The following C8orf34 variants were observed in gnomAD, a reference collection of about 807,000 sequenced individuals.
The protein encoded by C8orf34 is chromosome 8 open reading frame 34, also known as uncharacterized protein C8orf34.
C8orf34 carries 65 observed loss-of-function variants against 68.3 expected under a neutral mutation model. The ratio of observed to expected loss-of-function variants is 0.95; its 90% CI spans 0.78 to 1.17. The LOEUF (loss-of-function observed/expected upper bound fraction) is 1.17. Among genes scored for constraint, C8orf34 ranks in the 50% most tolerant of loss-of-function variants. The pLI is 0.00. For synonymous variants in C8orf34, 244 were observed against 241.2 expected, an observed-to-expected ratio of 1.01 and a Z score of -0.11; for missense variants, 664 against 655.4, an observed-to-expected ratio of 1.01 and a Z score of -0.14.
chr8:68,501,245 ATG>A (rs1813758809), intron 5 of C8orf34, among the ~76,000 whole-genome samples: 2 of 152,178 alleles, frequency 1.3e-5, no homozygotes, highest in Admixed American at 1.3e-4. Context: ...ATGACCTTGG[ATG>A]TGGACACAGC....
At chr8:68,553,410 A>AC (rs1270559410) in intron 7 of C8orf34, among the ~76,000 whole-genome samples, 2 of 150,722 alleles carry the variant, frequency 1.3e-5, no homozygotes, top group Non-Finnish European at 3.0e-5. Context: ...AAAAAAAAAA[A>AC]CATATCCTCC....
intron 1 of C8orf34, among the ~76,000 whole-genome samples, chr8:68,374,218 A>G (rs1047938459): frequency 2.6e-5 from 4 of 152,020 alleles, no homozygotes; most frequent in African/African-American, 7.3e-5. Context: ...CCTGGCCTAT[A>G]ATTCTTTCTT....
intron 7 of C8orf34, among the ~76,000 whole-genome samples, chr8:68,637,269 T>A (rs1818874087): frequency 6.6e-6 from 1 of 152,132 alleles, no homozygotes; most frequent in Non-Finnish European, 1.5e-5. Flanking sequence ...TCTGTTTGCA[T>A]GGTTCCTATT....
chr8:68,747,173 A>G (rs1822529040), intron 10 of C8orf34, among the ~76,000 whole-genome samples: 2 of 152,146 alleles, frequency 1.3e-5, no homozygotes, highest in Admixed American at 6.6e-5. Context: ...GGCCTTTGAC[A>G]AAATTCAACA....
intron 7 of C8orf34, among the ~76,000 whole-genome samples, chr8:68,583,931 A>G (rs1002885960): frequency 6.6e-6 from 1 of 152,218 alleles, no homozygotes; most frequent in East Asian, 1.9e-4. Flanking sequence ...ATGGTTATGA[A>G]TCTTAAAGCA....
At chr8:68,494,985 C>T (rs1813467360) in intron 5 of C8orf34, among the ~76,000 whole-genome samples, 1 of 151,334 alleles carries the variant, frequency 6.6e-6, no homozygotes, top group Non-Finnish European at 1.5e-5. Context: ...TCAGTACATT[C>T]ACAGGAGCTC....
chr8:68,785,692 T>C (rs1467253184), intron 11 of C8orf34, among the ~76,000 whole-genome samples: 1 of 152,254 alleles, frequency 6.6e-6, no homozygotes, highest in African/African-American at 2.4e-5. Flanking sequence ...CTAATTGATT[T>C]TTTTTCATTT....
At chr8:68,383,530 T>C (rs1351184207) in intron 1 of C8orf34, among the ~76,000 whole-genome samples, 1 of 152,230 alleles carries the variant, frequency 6.6e-6, no homozygotes, top group Admixed American at 6.5e-5. Flanking sequence ...TGGGAGAAAG[T>C]ATACTCGGGT....
intron 4 of C8orf34, among the ~76,000 whole-genome samples, chr8:68,481,112 T>C (rs751854795): frequency 4.0e-5 from 6 of 151,652 alleles, no homozygotes; most frequent in Non-Finnish European, 8.9e-5. Context: ...GGTTCCCATA[T>C]TGTGTGCACG....
chr8:68,352,690 G>A (rs141482821), intron 1 of C8orf34, among the ~76,000 whole-genome samples: 78 of 152,116 alleles, frequency 5.1e-4, no homozygotes, highest in African/African-American at 1.9e-3. Flanking sequence ...AGCCTTTTGG[G>A]TTCGAAATGT....
At chr8:68,476,799 G>A (rs796225580) in intron 4 of C8orf34, among the ~76,000 whole-genome samples, 3 of 152,300 alleles carry the variant, frequency 2.0e-5, no homozygotes, top group African/African-American at 7.2e-5. Context: ...ATATCACTAT[G>A]TCAAAAGGTG....
At position 68,412,176 on chromosome 8, in the gene C8orf34, T is replaced by C. The variant is rs528116968; in HGVS notation, c.328-27323T>C. ...TATAAATTAGGTAGTCTGTTATTTT[T>C]TATAGTAGCCGGAACAGACTAAGAC... On this transcript the variant is annotated intron_variant, in intron 1 of 13. Coordinates refer to ENST00000518698, the MANE Select transcript of C8orf34 (RefSeq NM_052958.4). 3.9e-5 allele frequency among the ~76,000 whole-genome samples: 6 copies of C among 152,296 alleles called. No homozygotes were observed. The East Asian group carries it at 9.7e-4, about 25-fold the overall frequency.
intron 1 of C8orf34, among the ~76,000 whole-genome samples, chr8:68,374,635 G>A (rs1807711952): frequency 6.6e-6 from 1 of 152,138 alleles, no homozygotes; most frequent in South Asian, 2.1e-4. Context: ...CAGTGCTACA[G>A]AGTCTCTAAG....
In C8orf34 at chr8:68,692,014, T is replaced by C. The variant is rs149064457; in HGVS notation, c.1242-16980T>C. On this transcript the variant is annotated intron_variant, in intron 8 of 13. Transcript: ENST00000518698. Reference sequence around the variant, plus strand: ...TTCAGAGAACAACTGATGTGACAAATATTAAATATTTGAGAGGAGGGTTAT... The same window carrying C: ...TTCAGAGAACAACTGATGTGACAAACATTAAATATTTGAGAGGAGGGTTAT... Among the ~76,000 whole-genome samples the C allele has an allele frequency of 4.9e-3, 739 of 152,102 alleles. 2 individuals carry two copies. Among genetic ancestry groups the C allele is most frequent in the Non-Finnish European group, 7.7e-3 (522 of 67,954 alleles).
At chr8:68,576,161 T>C (rs1005181326) in intron 7 of C8orf34, among the ~76,000 whole-genome samples, 17 of 144,606 alleles carry the variant, frequency 1.2e-4, no homozygotes, top group African/African-American at 4.5e-4. Flanking sequence ...CACACACACA[T>C]ACACACCCAC....
At chr8:68,590,195 GAA>G (rs535593461) in intron 7 of C8orf34, among the ~76,000 whole-genome samples, 54 of 129,024 alleles carry the variant, frequency 4.2e-4, no homozygotes, top group Non-Finnish European at 8.1e-4. Flanking sequence ...AAGGAAGAGA[GAA>G]AGGGGGAGGG....
intron 1 of C8orf34, among the ~76,000 whole-genome samples, chr8:68,437,205 T>A (rs965626234): frequency 1.3e-4 from 20 of 152,228 alleles, no homozygotes; most frequent in Admixed American, 5.9e-4. Flanking sequence ...TAGTAATTAC[T>A]TGGTTTATTA....
chr8:68,377,432 AGAAG>A (rs2129620038), intron 1 of C8orf34, among the ~76,000 whole-genome samples: 1 of 152,132 alleles, frequency 6.6e-6, no homozygotes, highest in South Asian at 2.1e-4. Flanking sequence ...GGAAGAAAAA[AGAAG>A]GAAGAAGAGG....
Position 68,404,145 on chromosome 8 carries a change from CA to C in C8orf34, c.328-35353del, listed in dbSNP as rs1191967651. Among the ~76,000 whole-genome samples, 3 of 152,166 alleles carry C rather than the reference CA, an allele frequency of 2.0e-5. No homozygotes were observed. The East Asian group carries it at 5.8e-4, about 29-fold the overall frequency. Reference sequence around the variant, plus strand: ...TGACCAGTGATGATGAGCTTTTTTTCATATGTTTGTTGGCCGTATAAATGTC... The same window carrying C: ...TGACCAGTGATGATGAGCTTTTTTTCTATGTTTGTTGGCCGTATAAATGTC... On this transcript the variant is annotated intron_variant, in intron 1 of 13. Transcript: ENST00000518698.
Sources: allele counts gnomAD v4.1 joint callset (sites outside exome capture counted in the v4.1 genomes callset), GRCh38; gene constraint gnomAD v4.1.1; transcripts MANE v1.5; gene names NCBI Gene and HGNC (gene_info 2026-07-23, HGNC 2026-07-21).